KCNJ6: variants seen among roughly 807,000 people sequenced by gnomAD.
KCNJ6 encodes potassium inwardly rectifying channel subfamily J member 6, also known as G protein-activated inward rectifier potassium channel 2.
Under a neutral mutation model 34.2 loss-of-function variants are expected in KCNJ6, and 9 were observed. The observed-to-expected ratio is 0.26, with a 90% CI of 0.16 to 0.46. The LOEUF (loss-of-function observed/expected upper bound fraction) is 0.46, where lower values mean the gene tolerates loss of function less well. Ranked by LOEUF, KCNJ6 falls within the 20% of genes least tolerant of loss-of-function variation. KCNJ6 has a pLI of 1.00. For synonymous variants in KCNJ6, 196 were observed against 207.1 expected, an observed-to-expected ratio of 0.95 and a Z score of 0.46; for missense variants, 236 against 531.3, an observed-to-expected ratio of 0.44 and a Z score of 5.46.
At chr21:37,903,979 G>A (rs2836046) in intron 1 of KCNJ6, among the ~76,000 whole-genome samples, 28,970 of 152,110 alleles carry the variant, frequency 0.19, 3,055 homozygotes, top group East Asian at 0.31. Context: ...ATATTGTTGA[G>A]TAACTGATCA....
At chr21:37,646,891 T>A (rs2054407573) in intron 3 of KCNJ6, among the ~76,000 whole-genome samples, 1 of 152,006 alleles carries the variant, frequency 6.6e-6, no homozygotes, top group African/African-American at 2.4e-5. Flanking sequence ...GCCAAGACTG[T>A]CTCCATCTCC....
At chr21:37,775,305 A>C (rs575919513) in intron 2 of KCNJ6, among the ~76,000 whole-genome samples, 1 of 152,106 alleles carries the variant, frequency 6.6e-6, no homozygotes. Flanking sequence ...TAGGTTGCCT[A>C]TTCACTCTGA....
chr21:37,759,410 G>A (rs1328089130), intron 2 of KCNJ6, among the ~76,000 whole-genome samples: 1 of 152,188 alleles, frequency 6.6e-6, no homozygotes, highest in Non-Finnish European at 1.5e-5. Flanking sequence ...GAGCTGAAAC[G>A]CGGCCTCTCC....
chr21:37,666,394 G>A (rs1277802197), intron 3 of KCNJ6, among the ~76,000 whole-genome samples: 3 of 151,630 alleles, frequency 2.0e-5, no homozygotes, highest in African/African-American at 4.9e-5. Context: ...GAGCTGCTCC[G>A]AGGTGCCAGG....
intron 3 of KCNJ6, among the ~76,000 whole-genome samples, chr21:37,688,131 T>G (rs1263297245): frequency 6.6e-6 from 1 of 152,190 alleles, no homozygotes; most frequent in Non-Finnish European, 1.5e-5. Context: ...TTCTTCTTCT[T>G]TATTTTTCTC....
At chr21:37,772,922 G>A (rs2055124179) in intron 2 of KCNJ6, among the ~76,000 whole-genome samples, 1 of 152,152 alleles carries the variant, frequency 6.6e-6, no homozygotes, top group African/African-American at 2.4e-5. Flanking sequence ...ACTGTGAAAT[G>A]ACTGAATCCT....
In KCNJ6 at chr21:37,614,003, C is replaced by T. The variant is rs73220483; in HGVS notation, c.*11156G>A. 0.054 allele frequency: 8,282 copies of T among 152,024 alleles called. 291 individuals carry two copies. Among genetic ancestry groups the T allele is most frequent in the Non-Finnish European group, 0.078 (5,331 of 68,032 alleles). The allele number at this position is 152,024 out of a possible 1,614,324, so 9.4% of individuals were successfully genotyped here. ...TGGGGGCGGCCATGCATGCGGGGGC[C>T]GGGGGTAAATGAGAGCTCTTGGTAA... On this transcript the variant is annotated 3_prime_UTR_variant, in exon 4 of 4. Coordinates refer to ENST00000609713, the MANE Select transcript of KCNJ6 (RefSeq NM_002240.5).
Position 37,621,139 on chromosome 21 carries a change from A to G in KCNJ6, c.*4020T>C, listed in dbSNP as rs554258700. ...CATCCTTGAAGATAATGTTTACAAT[A>G]TATAGAGGACACTGAACTTTCAACT... On this transcript the variant is annotated 3_prime_UTR_variant, in exon 4 of 4. Transcript: ENST00000609713. The G allele has an allele frequency of 3.3e-5, 5 of 152,348 alleles. No individual in the cohort carries two copies. Among genetic ancestry groups the G allele is most frequent in the African/African-American group, 1.2e-4 (5 of 41,588 alleles). The allele number at this position is 152,348 out of a possible 1,614,324, so 9.4% of individuals were successfully genotyped here. A position where few individuals can be genotyped will look rare whatever the true frequency, so the allele number is the denominator to read the frequency against.
At chr21:37,735,955 G>C (rs2054910804) in intron 2 of KCNJ6, among the ~76,000 whole-genome samples, 1 of 152,200 alleles carries the variant, frequency 6.6e-6, no homozygotes, top group African/African-American at 2.4e-5. Flanking sequence ...AGCACATGGG[G>C]TCAGCACTCT....
chr21:37,806,676 G>T (rs946779681), intron 2 of KCNJ6, among the ~76,000 whole-genome samples: 3 of 152,108 alleles, frequency 2.0e-5, no homozygotes, highest in Admixed American at 6.5e-5. Flanking sequence ...CCATTTTCTA[G>T]TCATTAACTA....
chr21:37,860,490 T>G (rs1043475982), intron 1 of KCNJ6, among the ~76,000 whole-genome samples: 1 of 152,224 alleles, frequency 6.6e-6, no homozygotes, highest in Non-Finnish European at 1.5e-5. Flanking sequence ...GGCTTCGAAG[T>G]AGAAATAAGC....
intron 3 of KCNJ6, among the ~76,000 whole-genome samples, chr21:37,628,628 C>T (rs1324869101): frequency 2.0e-5 from 3 of 152,122 alleles, no homozygotes; most frequent in African/African-American, 7.2e-5. Flanking sequence ...TATGTGAAGA[C>T]GTAATGACTG....
intron 2 of KCNJ6, among the ~76,000 whole-genome samples, chr21:37,805,901 T>C (rs1476702117): frequency 6.6e-6 from 1 of 152,198 alleles, no homozygotes; most frequent in African/African-American, 2.4e-5. Context: ...CCCTAGAGCC[T>C]TCAGCGACAG....
intron 2 of KCNJ6, among the ~76,000 whole-genome samples, chr21:37,833,453 C>G (rs919229256): frequency 2.0e-5 from 3 of 152,146 alleles, no homozygotes; most frequent in African/African-American, 7.2e-5. Context: ...TTGGCTAATG[C>G]AATCAGAGCA....
intron 2 of KCNJ6, among the ~76,000 whole-genome samples, chr21:37,800,515 T>G (rs2055263824): frequency 1.3e-5 from 2 of 152,222 alleles, no homozygotes; most frequent in Admixed American, 1.3e-4. Context: ...TAAGTGTTGA[T>G]TATTTCTCAT....
intron 2 of KCNJ6, among the ~76,000 whole-genome samples, chr21:37,746,287 G>A (rs1253592624): frequency 6.6e-6 from 1 of 152,130 alleles, no homozygotes; most frequent in African/African-American, 2.4e-5. Context: ...AGCAGGAGTG[G>A]CAGTCCTTAG....
At chr21:37,875,412 A>G (rs2055673072) in intron 1 of KCNJ6, among the ~76,000 whole-genome samples, 1 of 151,964 alleles carries the variant, frequency 6.6e-6, no homozygotes, top group African/African-American at 2.4e-5. Context: ...CCTTCTTCCC[A>G]GTGCTTTTTG....
intron 1 of KCNJ6, among the ~76,000 whole-genome samples, chr21:37,852,447 T>C (rs1431399919): frequency 6.6e-6 from 1 of 152,160 alleles, no homozygotes; most frequent in Non-Finnish European, 1.5e-5. Flanking sequence ...TGCCCCCTCC[T>C]ATCCCAGCCA....
chr21:37,873,925 C>T (rs938197359), intron 1 of KCNJ6, among the ~76,000 whole-genome samples: 1 of 152,170 alleles, frequency 6.6e-6, no homozygotes, highest in Non-Finnish European at 1.5e-5. Context: ...TCCTTCCCAT[C>T]AGCTGTTACC....
Sources: gnomAD v4.1 joint callset for allele counts (sites outside exome capture counted in the v4.1 genomes callset) on GRCh38, gnomAD v4.1.1 for gene constraint, MANE v1.5 for transcripts, NCBI Gene and HGNC (gene_info 2026-07-23, HGNC 2026-07-21) for gene names.